The following CSMD1 variants were observed in gnomAD, a reference collection of about 807,000 sequenced individuals.
CSMD1 encodes the protein CUB and Sushi multiple domains 1, also known as CUB and sushi domain-containing protein 1.
In CSMD1, 213 loss-of-function variants were observed where a neutral mutation model predicts 417.5. The observed-to-expected ratio is 0.51, with a 90% CI of 0.46 to 0.57. The LOEUF is 0.57. Among genes scored for constraint, CSMD1 ranks in the 20% least tolerant of loss-of-function variants. The pLI is 0.00. For missense variants in CSMD1, 6,923 were observed against 4,529.7 expected (o/e 1.53, Z -15.17); for synonymous variants, 2,862 against 1,736.8 (o/e 1.65, Z -16.11).
At chr8:3,055,959 G>T (rs1812189261) in intron 49 of CSMD1, among the ~76,000 whole-genome samples, 1 of 152,110 alleles carries the variant, frequency 6.6e-6, no homozygotes, top group African/African-American at 2.4e-5. Flanking sequence ...CTTACAAAAT[G>T]CGAGCCCTCT....
intron 12 of CSMD1, among the ~76,000 whole-genome samples, chr8:3,457,171 C>G (rs1816204826): frequency 8.1e-6 from 1 of 123,908 alleles, no homozygotes. Context: ...TACCTCTCTT[C>G]CTGGACTCCT....
chr8:4,115,379 T>G (rs1802079263), intron 3 of CSMD1, among the ~76,000 whole-genome samples: 1 of 152,252 alleles, frequency 6.6e-6, no homozygotes, highest in African/African-American at 2.4e-5. Context: ...TGTGTACACA[T>G]AATTTTCATA....
intron 7 of CSMD1, among the ~76,000 whole-genome samples, chr8:3,639,077 C>A (rs1695686249): frequency 6.6e-6 from 1 of 152,316 alleles, no homozygotes; most frequent in African/African-American, 2.4e-5. Flanking sequence ...AGCCTACTCT[C>A]AACTTCCACA....
intron 3 of CSMD1, among the ~76,000 whole-genome samples, chr8:4,400,150 G>C (rs931499798): frequency 6.6e-6 from 1 of 152,184 alleles, no homozygotes. Flanking sequence ...GGAAAATATA[G>C]CTGTGGTTAG....
chr8:3,498,481 C>T (rs542907451), intron 10 of CSMD1, among the ~76,000 whole-genome samples: 2 of 152,246 alleles, frequency 1.3e-5, no homozygotes, highest in African/African-American at 4.8e-5. Context: ...CTTTGGAGAG[C>T]ATCTTTGGCA....
rs190558304 is a variant in CSMD1, at chr8:3,479,816, G to A, written c.1449-10992C>T. ...AGAGGGTGGATTTTAAAGCCAGGTC[G>A]CTTAAAAATGCTTCAGTGATCATTT... On this transcript the variant is annotated intron_variant, in intron 11 of 69. Coordinates refer to ENST00000635120, the MANE Select transcript of CSMD1 (RefSeq NM_033225.6). Among the ~76,000 whole-genome samples the A allele has an allele frequency of 8.2e-4, 124 of 151,808 alleles. 1 individual carries two copies. Among genetic ancestry groups the A allele is most frequent in the African/African-American group, 1.5e-3 (60 of 41,368 alleles).
intron 6 of CSMD1, among the ~76,000 whole-genome samples, chr8:3,708,845 C>T (rs919304005): frequency 2.0e-5 from 3 of 152,132 alleles, no homozygotes; most frequent in Non-Finnish European, 2.9e-5. Flanking sequence ...ATGTATCTAT[C>T]CTGACTACAG....
At chr8:4,983,540 G>T (rs1206687324) in intron 1 of CSMD1, among the ~76,000 whole-genome samples, 1 of 151,862 alleles carries the variant, frequency 6.6e-6, no homozygotes, top group Non-Finnish European at 1.5e-5. Flanking sequence ...TTTGTTTTTT[G>T]AAATGGAATT....
rs1810891902 is a variant in CSMD1 at position 3,384,883 on chromosome 8, A to G, written c.2782+2611T>C. Among the ~76,000 whole-genome samples the G allele has an allele frequency of 5.7e-5, 7 of 122,356 alleles. No individual in the cohort carries two copies. In the South Asian group the frequency reaches 1.6e-3, roughly 28 times the overall value. 80.3% of individuals were successfully genotyped at this position (122,356 alleles called of 152,430 possible). On this transcript the variant is annotated intron_variant, in intron 18 of 69. Transcript: ENST00000635120. The stretch of plus-strand genomic sequence containing the variant: ...ATATGTAAATATATATTATATATGC[A>G]AATATATAATATATATTATATATGC...
rs1554466064 is a variant in CSMD1 at position 2,937,446 on chromosome 8, A to AAC, written c.*1138_*1139insGT. On this transcript the variant is annotated 3_prime_UTR_variant, in exon 70 of 70. Coordinates refer to ENST00000635120, the MANE Select transcript of CSMD1 (RefSeq NM_033225.6). ...ATGGCACAGTAAAAGACAAAAAAAA[A>AAC]AAAAAACAAAAAAAAAACACTGCAA... The AAC allele has an allele frequency of 1.0e-4, 9 of 89,416 alleles. No homozygotes were observed. In the South Asian group the frequency reaches 1.3e-3, roughly 13 times the overall value. 5.5% of individuals were successfully genotyped at this position (89,416 alleles called of 1,614,324 possible). A position where few individuals can be genotyped will look rare whatever the true frequency, so the allele number is the denominator to read the frequency against.
chr8:4,594,794 T>C (rs1800168746), intron 2 of CSMD1, among the ~76,000 whole-genome samples: 1 of 152,162 alleles, frequency 6.6e-6, no homozygotes, highest in African/African-American at 2.4e-5. Flanking sequence ...AGACATATCA[T>C]CATATTTCTG....
chr8:4,908,544 T>G (rs1215724227), intron 1 of CSMD1, among the ~76,000 whole-genome samples: 1 of 152,118 alleles, frequency 6.6e-6, no homozygotes, highest in Non-Finnish European at 1.5e-5. Context: ...TTTTTTTTCT[T>G]TGTTTTGTGT....
intron 3 of CSMD1, among the ~76,000 whole-genome samples, chr8:4,385,561 T>G (rs984007171): frequency 2.6e-5 from 4 of 152,246 alleles, no homozygotes; most frequent in African/African-American, 9.6e-5. Context: ...TGCACATTAC[T>G]ACAGTGTATT....
At chr8:4,279,485 G>A (rs908090176) in intron 3 of CSMD1, among the ~76,000 whole-genome samples, 2 of 152,142 alleles carry the variant, frequency 1.3e-5, no homozygotes, top group Non-Finnish European at 2.9e-5. Flanking sequence ...TTTTTCATGA[G>A]CAGGAATACT....
intron 3 of CSMD1, among the ~76,000 whole-genome samples, chr8:4,138,350 G>T (rs1008329944): frequency 1.3e-5 from 2 of 151,792 alleles, no homozygotes; most frequent in Admixed American, 6.6e-5. Context: ...GGCAAAGCTG[G>T]GGCAAGGAGT....
chr8:3,847,436 G>A (rs1057381201), intron 5 of CSMD1, among the ~76,000 whole-genome samples: 1 of 152,112 alleles, frequency 6.6e-6, no homozygotes, highest in African/African-American at 2.4e-5. Context: ...CGAGCAGTGG[G>A]CAGTTTTGGG....
chr8:3,297,798 G>C (rs912634033), intron 25 of CSMD1, among the ~76,000 whole-genome samples: 2 of 152,092 alleles, frequency 1.3e-5, no homozygotes, highest in African/African-American at 4.8e-5. Context: ...AAAGTTTGTG[G>C]CATAGCATAC....
chr8:4,797,539 A>G (rs1469054415), intron 1 of CSMD1, among the ~76,000 whole-genome samples: 3 of 152,124 alleles, frequency 2.0e-5, no homozygotes, highest in Non-Finnish European at 2.9e-5. Flanking sequence ...TTTTGCACCA[A>G]CCTGACCTAA....
At chr8:4,409,642 C>CTTTT (rs61368925) in intron 3 of CSMD1, among the ~76,000 whole-genome samples, 5 of 141,866 alleles carry the variant, frequency 3.5e-5, no homozygotes, top group Middle Eastern at 3.6e-3. Context: ...GACTTTTTTT[C>CTTTT]TTTTTTTTTT....
Sources: gnomAD v4.1 joint callset for allele counts (sites outside exome capture counted in the v4.1 genomes callset) on GRCh38, gnomAD v4.1.1 for gene constraint, MANE v1.5 for transcripts, NCBI Gene and HGNC (gene_info 2026-07-23, HGNC 2026-07-21) for gene names.